The following DCC variants were observed in gnomAD, a reference collection of about 807,000 sequenced individuals.
DCC encodes the protein netrin receptor DCC.
A neutral mutation model predicts 172.5 loss-of-function variants in DCC; 58 were observed. That is an observed-to-expected ratio of 0.34 (90% CI 0.27 to 0.42). The LOEUF (loss-of-function observed/expected upper bound fraction) is 0.42, where lower values mean the gene tolerates loss of function less well. Among genes scored for constraint, DCC ranks in the 10% least tolerant of loss-of-function variants. DCC has a pLI of 1.00. For synonymous variants in DCC, 709 were observed against 644.5 expected, an observed-to-expected ratio of 1.10 and a Z score of -1.52; for missense variants, 1,740 against 1,791.0, an observed-to-expected ratio of 0.97 and a Z score of 0.51.
At chr18:52,575,734 G>A (rs2033393826) in intron 1 of DCC, among the ~76,000 whole-genome samples, 2 of 152,092 alleles carry the variant, frequency 1.3e-5, no homozygotes, top group Admixed American at 6.5e-5. Flanking sequence ...CATCACAACT[G>A]CTCCATAAAA....
At chr18:52,808,402 C>CTT (rs11382141) in intron 2 of DCC, among the ~76,000 whole-genome samples, 177 of 146,048 alleles carry the variant, frequency 1.2e-3, no homozygotes, top group Non-Finnish European at 1.4e-3. Flanking sequence ...CAAGATTTGG[C>CTT]TTTTTTTTTT....
chr18:53,398,954 C>G (rs1909129530), intron 18 of DCC, among the ~76,000 whole-genome samples: 1 of 152,094 alleles, frequency 6.6e-6, no homozygotes, highest in African/African-American at 2.4e-5. Context: ...AATAAAATAA[C>G]TCTAAAGTTT....
intron 15 of DCC, among the ~76,000 whole-genome samples, chr18:53,346,349 AT>A (rs1274786051): frequency 2.6e-5 from 4 of 152,058 alleles, no homozygotes; most frequent in Admixed American, 2.6e-4. Context: ...AATTTTGGTC[AT>A]TTTGTCTTCA....
At chr18:52,436,850 G>A (rs946651397) in intron 1 of DCC, among the ~76,000 whole-genome samples, 21 of 152,224 alleles carry the variant, frequency 1.4e-4, no homozygotes, top group Non-Finnish European at 1.0e-4. Flanking sequence ...AACTCAAGAA[G>A]TAGGGGTTTC....
At chr18:53,083,232 C>T (rs926623364) in intron 7 of DCC, among the ~76,000 whole-genome samples, 1 of 152,008 alleles carries the variant, frequency 6.6e-6, no homozygotes. Flanking sequence ...ATACTGATGA[C>T]CATGAATGAG....
At chr18:52,534,148 AT>A (rs910940881) in intron 1 of DCC, among the ~76,000 whole-genome samples, 6 of 151,904 alleles carry the variant, frequency 3.9e-5, no homozygotes, top group South Asian at 2.1e-4. Flanking sequence ...AATGTTTTCA[AT>A]TTTTTTTCAT....
intron 2 of DCC, among the ~76,000 whole-genome samples, chr18:52,804,024 G>T (rs1173926470): frequency 6.6e-6 from 1 of 152,194 alleles, no homozygotes; most frequent in African/African-American, 2.4e-5. Context: ...GGGCGTCTGG[G>T]TGATGTGTGT....
intron 2 of DCC, among the ~76,000 whole-genome samples, chr18:52,853,212 A>G (rs2039003911): frequency 6.6e-6 from 1 of 152,146 alleles, no homozygotes; most frequent in African/African-American, 2.4e-5. Flanking sequence ...ACAGGCCACA[A>G]AGCAGATGGT....
At chr18:53,192,629 T>C (rs1238751139) in intron 9 of DCC, among the ~76,000 whole-genome samples, 2 of 152,102 alleles carry the variant, frequency 1.3e-5, no homozygotes, top group Non-Finnish European at 2.9e-5. Context: ...AGAAAATAGT[T>C]TGTGATGTGC....
intron 1 of DCC, among the ~76,000 whole-genome samples, chr18:52,507,142 T>A (rs2031259482): frequency 6.6e-6 from 1 of 152,178 alleles, no homozygotes; most frequent in African/African-American, 2.4e-5. Context: ...CTAATAGGAA[T>A]CTCATATCCT....
intron 1 of DCC, among the ~76,000 whole-genome samples, chr18:52,515,497 C>T (rs996516622): frequency 4.0e-5 from 6 of 149,564 alleles, no homozygotes; most frequent in Admixed American, 2.7e-4. Flanking sequence ...GTCCCAGCTA[C>T]TCGGGAGGCT....
chr18:53,142,529 C>G (rs1050689367), intron 7 of DCC, among the ~76,000 whole-genome samples: 4 of 152,246 alleles, frequency 2.6e-5, no homozygotes, highest in African/African-American at 9.6e-5. Flanking sequence ...TAGACAAACA[C>G]TAGTGCTAAC....
chr18:52,837,797 T>C (rs7231926), intron 2 of DCC, among the ~76,000 whole-genome samples: 150,799 of 152,340 alleles, frequency 0.99, 74,651 homozygotes, highest in Middle Eastern at 1. Context: ...TCCATTCTCA[T>C]GCTTCTATAA....
intron 12 of DCC, among the ~76,000 whole-genome samples, chr18:53,284,034 AATT>A (rs750638919): frequency 3.3e-5 from 5 of 152,152 alleles, no homozygotes; most frequent in South Asian, 4.1e-4. Flanking sequence ...TAAGCATATA[AATT>A]ATTATTTTTC....
rs1239642231 is a variant in DCC at position 53,531,771 on chromosome 18, T to C, written c.*1118T>C. The C allele has an allele frequency of 6.6e-6, 1 of 152,182 alleles. No individual in the cohort carries two copies. Among genetic ancestry groups the C allele is most frequent in the East Asian group, 1.9e-4 (1 of 5,186 alleles). The allele number at this position is 152,182 out of a possible 1,614,324, so 9.4% of individuals were successfully genotyped here. On this transcript the variant is annotated 3_prime_UTR_variant, in exon 29 of 29. Transcript: ENST00000442544. ...ATGCCAACTCTGCCTACAGGGTCAG[T>C]GTTGGCAAGCATTGGCCACCAGACC...
At chr18:52,374,029 C>T (rs998634410) in intron 1 of DCC, among the ~76,000 whole-genome samples, 1 of 151,528 alleles carries the variant, frequency 6.6e-6, no homozygotes, top group Non-Finnish European at 1.5e-5. Context: ...GTAGCTGGGA[C>T]TACAGGCGCC....
At chr18:52,870,531 T>C (rs1312067783) in intron 2 of DCC, among the ~76,000 whole-genome samples, 5 of 152,120 alleles carry the variant, frequency 3.3e-5, no homozygotes, top group Admixed American at 6.5e-5. Context: ...TACCAGCCAT[T>C]ATTCCGGAGG....
chr18:53,177,207 C>T (rs931365896), intron 8 of DCC, among the ~76,000 whole-genome samples: 7 of 151,758 alleles, frequency 4.6e-5, no homozygotes, highest in African/African-American at 1.7e-4. Flanking sequence ...GGAGGGATAG[C>T]ACTGGGAGAT....
intron 27 of DCC, among the ~76,000 whole-genome samples, chr18:53,517,440 AAATATAATAATAAT>A (rs967477185): frequency 7.8e-5 from 10 of 128,664 alleles, no homozygotes; most frequent in African/African-American, 2.8e-4. Flanking sequence ...CTAAAACTTA[AAATATAATAATAAT>A]AATAATAATA....
Sources: gnomAD v4.1 joint callset for allele counts (sites outside exome capture counted in the v4.1 genomes callset) on GRCh38, gnomAD v4.1.1 for gene constraint, MANE v1.5 for transcripts, NCBI Gene and HGNC (gene_info 2026-07-23, HGNC 2026-07-21) for gene names.